Variants in DNM3 observed in about 807,000 individuals in gnomAD.
DNM3 encodes dynamin 3, also known as dynamin-3.
DNM3 carries 47 observed loss-of-function variants against 101.6 expected under a neutral mutation model. That is an observed-to-expected ratio of 0.46 (90% CI 0.37 to 0.59). The LOEUF (loss-of-function observed/expected upper bound fraction) is 0.59, where lower values mean the gene tolerates loss of function less well. DNM3 is among the 20% of genes least tolerant of loss of function. DNM3 has a pLI of 0.00. For missense variants in DNM3, 849 were observed against 1,085.7 expected, an observed-to-expected ratio of 0.78 and a Z score of 3.06; for synonymous variants, 385 against 387.9, an observed-to-expected ratio of 0.99 and a Z score of 0.09.
intron 13 of DNM3, among the ~76,000 whole-genome samples, chr1:172,109,185 A>G (rs1191476243): frequency 1.3e-5 from 2 of 152,190 alleles, no homozygotes; most frequent in East Asian, 1.9e-4. Context: ...TACCTAGTCT[A>G]CTAAAACTGA....
intron 14 of DNM3, among the ~76,000 whole-genome samples, chr1:172,204,746 A>G (rs926054855): frequency 6.6e-6 from 1 of 151,926 alleles, no homozygotes; most frequent in African/African-American, 2.4e-5. Flanking sequence ...CCTCCTCTCA[A>G]TCTTCTGGCT....
rs372026343 is a variant in DNM3 at position 172,151,849 on chromosome 1, G to A, written c.1659+20561G>A. ...TTGTTTTTAAGTTTTCTGAAGAGAG[G>A]AAAACAGTGAGGATAAGTGGTATAA... On this transcript the variant is annotated intron_variant, in intron 14 of 20. Transcript: ENST00000627582. 2.0e-3 allele frequency among the ~76,000 whole-genome samples: 308 copies of A among 152,148 alleles called. 1 individual carries two copies. Among genetic ancestry groups the A allele is most frequent in the African/African-American group, 7.1e-3 (296 of 41,524 alleles).
chr1:172,061,666 G>T (rs1303539410), intron 10 of DNM3, among the ~76,000 whole-genome samples: 1 of 144,226 alleles, frequency 6.9e-6, no homozygotes, highest in African/African-American at 2.6e-5. Context: ...CATGGACACA[G>T]GAAGGGGAAC....
intron 19 of DNM3, 83 bp downstream of exon 19, chr1:172,387,442 G>A (rs2269612): frequency 0.56 from 647,642 of 1,155,700 alleles, 189,469 homozygotes; most frequent in East Asian, 0.89. Context: ...CGGATCACGA[G>A]GTCAGGAGAT....
At chr1:172,051,715 T>C (rs2050214519) in intron 10 of DNM3, among the ~76,000 whole-genome samples, 1 of 152,206 alleles carries the variant, frequency 6.6e-6, no homozygotes, top group Admixed American at 6.6e-5. Context: ...GCCTTGCTGC[T>C]AAAGTGGGAG....
chr1:171,963,483 A>C (rs1316138994), intron 2 of DNM3, among the ~76,000 whole-genome samples: 1 of 152,136 alleles, frequency 6.6e-6, no homozygotes, highest in African/African-American at 2.4e-5. Context: ...AGAATATACA[A>C]CACCAAGAGG....
Position 172,261,373 on chromosome 1 carries a change from C to A in DNM3, c.1769+7691C>A, listed in dbSNP as rs564923730. Among the ~76,000 whole-genome samples, 105 of 152,298 alleles carry A rather than the reference C, an allele frequency of 6.9e-4. 1 individual carries two copies. In the South Asian group the frequency reaches 0.011, roughly 16 times the overall value. ...TAGTGGTGTAGTCTCTGTATGACTT[C>A]TTCATTTGTAGACAGCATCAGTGGT... On this transcript the variant is annotated intron_variant, in intron 15 of 20. Coordinates refer to ENST00000627582, the MANE Select transcript of DNM3 (RefSeq NM_015569.5).
chr1:171,867,369 A>T (rs894491679), intron 1 of DNM3, among the ~76,000 whole-genome samples: 1 of 152,236 alleles, frequency 6.6e-6, no homozygotes, highest in Non-Finnish European at 1.5e-5. Context: ...TTGTATTTTA[A>T]TATGGCTGTT....
chr1:172,356,317 CT>C (rs1259246955), intron 17 of DNM3, among the ~76,000 whole-genome samples: 1 of 152,084 alleles, frequency 6.6e-6, no homozygotes, highest in Non-Finnish European at 1.5e-5. Flanking sequence ...TAAAAGCCAT[CT>C]GAACAGTTTT....
At chr1:172,013,919 T>C (rs1572087139) in intron 4 of DNM3, among the ~76,000 whole-genome samples, 1 of 152,118 alleles carries the variant, frequency 6.6e-6, no homozygotes, top group African/African-American at 2.4e-5. Context: ...TAATACACTT[T>C]ATTATTTTGA....
Position 172,161,316 on chromosome 1 carries a change from G to A in DNM3, c.1659+30028G>A, listed in dbSNP as rs115793242. On this transcript the variant is annotated intron_variant, in intron 14 of 20. Transcript: ENST00000627582. ...AGGAACAAACGAATGGCACTAGGAA[G>A]GAAGACAACAGAGCACTCGAATGTT... Among the ~76,000 whole-genome samples, 1,025 of 151,884 alleles carry A rather than the reference G, an allele frequency of 6.7e-3. 16 individuals carry two copies. The highest frequency in any genetic ancestry group is 0.024 in the African/African-American group (975 of 41,468).
At chr1:172,016,360 T>G (rs563568723) in intron 4 of DNM3, among the ~76,000 whole-genome samples, 1 of 151,632 alleles carries the variant, frequency 6.6e-6, no homozygotes, top group African/African-American at 2.4e-5. Context: ...TAAGTTTTTC[T>G]ACATTTATTA....
At chr1:171,908,649 T>G (rs1201421320) in intron 1 of DNM3, among the ~76,000 whole-genome samples, 1 of 141,586 alleles carries the variant, frequency 7.1e-6, no homozygotes, top group Non-Finnish European at 1.6e-5. Context: ...TAAAGTATTT[T>G]AAATGAATAA....
At chr1:172,329,230 T>C (rs2066078136) in intron 17 of DNM3, among the ~76,000 whole-genome samples, 1 of 152,034 alleles carries the variant, frequency 6.6e-6, no homozygotes, top group Non-Finnish European at 1.5e-5. Flanking sequence ...TAAGTGAGAT[T>C]CAAAAGATAT....
At chr1:172,131,384 G>T in intron 14 of DNM3, 96 bp downstream of exon 14, 10 of 1,022,798 alleles carry the variant, frequency 9.8e-6, no homozygotes, top group Non-Finnish European at 1.0e-5. Context: ...GACACCAGTG[G>T]TTCTCTTTCA....
At chr1:172,270,609 G>T (rs1388444992) in intron 15 of DNM3, among the ~76,000 whole-genome samples, 2 of 152,152 alleles carry the variant, frequency 1.3e-5, no homozygotes, top group Non-Finnish European at 2.9e-5. Context: ...ACTGGCATGT[G>T]TAATTAATTT....
intron 14 of DNM3, among the ~76,000 whole-genome samples, chr1:172,166,270 G>A (rs1044975796): frequency 1.3e-5 from 2 of 152,084 alleles, no homozygotes; most frequent in Admixed American, 1.3e-4. Flanking sequence ...AATAATTATA[G>A]CTGATACCCT....
intron 14 of DNM3, among the ~76,000 whole-genome samples, chr1:172,185,448 C>G (rs2059489295): frequency 6.6e-6 from 1 of 152,052 alleles, no homozygotes; most frequent in Non-Finnish European, 1.5e-5. Flanking sequence ...ACATTTAGCT[C>G]TCTATTGGAA....
intron 15 of DNM3, among the ~76,000 whole-genome samples, chr1:172,302,086 A>G (rs1573368087): frequency 6.6e-6 from 1 of 152,112 alleles, no homozygotes; most frequent in Non-Finnish European, 1.5e-5. Context: ...GCATCACCTC[A>G]CCTGGGGTTG....
Sources: gnomAD v4.1 joint callset for allele counts (sites outside exome capture counted in the v4.1 genomes callset) on GRCh38, gnomAD v4.1.1 for gene constraint, MANE v1.5 for transcripts, NCBI Gene and HGNC (gene_info 2026-07-23, HGNC 2026-07-21) for gene names.